Variants in SLC30A8 observed in about 807,000 individuals in gnomAD.
SLC30A8 encodes the protein proton-coupled zinc antiporter SLC30A8.
Under a neutral mutation model 36.9 loss-of-function variants are expected in SLC30A8, and 27 were observed. The observed-to-expected ratio is 0.73, with a 90% CI of 0.54 to 1.01. SLC30A8 has a LOEUF of 1.01. Among genes scored for constraint, SLC30A8 ranks in the 50% least tolerant of loss-of-function variants. SLC30A8 has a pLI of 0.00. For missense variants in SLC30A8, 439 were observed against 452.0 expected (o/e 0.97, Z 0.26); for synonymous variants, 164 against 172.4 (o/e 0.95, Z 0.38).
At chr8:116,972,525 C>T (rs1814826773) in intron 1 of SLC30A8, among the ~76,000 whole-genome samples, 1 of 152,212 alleles carries the variant, frequency 6.6e-6, no homozygotes, top group Admixed American at 6.5e-5. Flanking sequence ...AGGTTTTTCA[C>T]CTTCAGCAGA....
intron 2 of SLC30A8, among the ~76,000 whole-genome samples, chr8:117,061,207 TC>T (rs1258981978): frequency 2.6e-5 from 4 of 152,240 alleles, no homozygotes; most frequent in Non-Finnish European, 5.9e-5. Flanking sequence ...GTTTGGGTTT[TC>T]AGTGATAAAA....
intron 7 of SLC30A8, among the ~76,000 whole-genome samples, chr8:117,171,623 G>A (rs903809040): frequency 6.6e-6 from 1 of 152,158 alleles, no homozygotes; most frequent in Admixed American, 6.5e-5. Context: ...TAATGGATGT[G>A]CTAATAGGAA....
At chr8:117,169,270 C>T (rs184371257) in intron 6 of SLC30A8, among the ~76,000 whole-genome samples, 2 of 152,240 alleles carry the variant, frequency 1.3e-5, no homozygotes, top group African/African-American at 4.8e-5. Context: ...AGGAGGAAAT[C>T]CCCCATGAGC....
At chr8:117,047,240 A>G (rs1817581317) in intron 2 of SLC30A8, among the ~76,000 whole-genome samples, 1 of 152,088 alleles carries the variant, frequency 6.6e-6, no homozygotes, top group Non-Finnish European at 1.5e-5. Flanking sequence ...CTCTTATATA[A>G]TCCTCACCAT....
At chr8:117,089,856 T>G (rs1349329103) in intron 2 of SLC30A8, among the ~76,000 whole-genome samples, 1 of 152,166 alleles carries the variant, frequency 6.6e-6, no homozygotes, top group Non-Finnish European at 1.5e-5. Flanking sequence ...CTCTCCCTTT[T>G]GCACACCCTA....
At chr8:117,065,228 T>A (rs1818133497) in intron 2 of SLC30A8, among the ~76,000 whole-genome samples, 1 of 152,146 alleles carries the variant, frequency 6.6e-6, no homozygotes, top group Admixed American at 6.6e-5. Context: ...ATTTAAAGCC[T>A]TATAAATATA....
At chr8:117,065,987 T>C (rs1178485053) in intron 2 of SLC30A8, among the ~76,000 whole-genome samples, 1 of 152,110 alleles carries the variant, frequency 6.6e-6, no homozygotes, top group Non-Finnish European at 1.5e-5. Flanking sequence ...CATGGCCCCA[T>C]TCTGTATTAT....
At chr8:117,122,539 C>T (rs1391947068) in intron 2 of SLC30A8, among the ~76,000 whole-genome samples, 1 of 152,018 alleles carries the variant, frequency 6.6e-6, no homozygotes, top group African/African-American at 2.4e-5. Context: ...CTTGTCTGTT[C>T]TCTTCATTGC....
chr8:117,040,105 G>A (rs1817336020), intron 2 of SLC30A8, among the ~76,000 whole-genome samples: 1 of 152,104 alleles, frequency 6.6e-6, no homozygotes, highest in Non-Finnish European at 1.5e-5. Context: ...ATTTCTTTCT[G>A]ATCACTGTGA....
intron 1 of SLC30A8, among the ~76,000 whole-genome samples, chr8:116,994,437 C>G (rs1375442192): frequency 6.6e-6 from 1 of 152,020 alleles, no homozygotes; most frequent in East Asian, 1.9e-4. Context: ...TGGCAGGTCA[C>G]TTGATAGAAT....
chr8:117,034,054 A>T (rs974315663), intron 1 of SLC30A8, among the ~76,000 whole-genome samples: 1 of 152,188 alleles, frequency 6.6e-6, no homozygotes, highest in Non-Finnish European at 1.5e-5. Context: ...TAGTTGTCCT[A>T]TATACTCAGA....
chr8:117,152,877 T>G, intron 2 of SLC30A8, 67 bp from the exon 3 acceptor site: 1 of 1,293,676 alleles, frequency 7.7e-7, no homozygotes, highest in Admixed American at 2.4e-5. Flanking sequence ...CCCATGATGG[T>G]TAGCATGTCT....
chr8:117,114,105 C>T (rs1244407975), intron 2 of SLC30A8, among the ~76,000 whole-genome samples: 2 of 152,124 alleles, frequency 1.3e-5, no homozygotes, highest in Non-Finnish European at 2.9e-5. Context: ...AATGCCTTGT[C>T]TTAGCCATCA....
At chr8:117,150,353 G>A (rs988285319) in intron 2 of SLC30A8, among the ~76,000 whole-genome samples, 1 of 152,116 alleles carries the variant, frequency 6.6e-6, no homozygotes, top group African/African-American at 2.4e-5. Context: ...ACCCGCATGG[G>A]GAATTAACAC....
chr8:117,102,762 C>T (rs1464893323), intron 2 of SLC30A8, among the ~76,000 whole-genome samples: 3 of 152,168 alleles, frequency 2.0e-5, no homozygotes, highest in African/African-American at 4.8e-5. Context: ...CCAAATGTCT[C>T]TCTTCTCATA....
intron 2 of SLC30A8, among the ~76,000 whole-genome samples, chr8:117,129,447 T>C (rs1821043742): frequency 6.6e-6 from 1 of 152,036 alleles, no homozygotes; most frequent in Non-Finnish European, 1.5e-5. Context: ...ATAGAATTGA[T>C]TTCTACTTTT....
rs1208350097 is a variant in SLC30A8 at position 117,172,797 on chromosome 8, A to T, written c.*116A>T. The T allele has an allele frequency of 1.6e-6, 2 of 1,231,006 alleles. No homozygotes were observed. Among genetic ancestry groups the T allele is most frequent in the South Asian group, 1.4e-5 (1 of 70,950 alleles). The allele number at this position is 1,231,006 out of a possible 1,614,324, so 76.3% of individuals were successfully genotyped here. ...AGGAAGAAATTCATGTCATGGTGCA[A>T]TGCACATTTTATCTATTTATTTAGT... On this transcript the variant is annotated 3_prime_UTR_variant, in exon 8 of 8. Transcript: ENST00000456015.
intron 1 of SLC30A8, among the ~76,000 whole-genome samples, chr8:117,140,820 G>A (rs1036548929): frequency 2.0e-5 from 3 of 151,916 alleles, no homozygotes; most frequent in African/African-American, 4.8e-5. Context: ...AAAAATAATA[G>A]CACCAATAAA....
intron 2 of SLC30A8, among the ~76,000 whole-genome samples, chr8:117,091,797 T>C (rs1055655935): frequency 1.3e-5 from 2 of 152,210 alleles, no homozygotes; most frequent in Non-Finnish European, 2.9e-5. Context: ...TGAAGGTATT[T>C]CTGTGGGCTA....
Sources: gnomAD v4.1 joint callset for allele counts (sites outside exome capture counted in the v4.1 genomes callset) on GRCh38, gnomAD v4.1.1 for gene constraint, MANE v1.5 for transcripts, NCBI Gene and HGNC (gene_info 2026-07-23, HGNC 2026-07-21) for gene names.